Variants in LYPD8 observed in about 807,000 individuals in gnomAD.
The protein encoded by LYPD8 is ly6/PLAUR domain-containing protein 8.
In LYPD8, 8 loss-of-function variants were observed where a neutral mutation model predicts 1.7. The ratio of observed to expected loss-of-function variants is 4.58; its 90% CI spans 2.69 to 8.27. The LOEUF (loss-of-function observed/expected upper bound fraction) is 8.27. Among genes scored for constraint, LYPD8 ranks in the 30% most tolerant of loss-of-function variants. The probability of loss-of-function intolerance (pLI) is 0.00; values close to 1 mark genes in which losing one functional copy is unlikely to be tolerated. For missense variants in LYPD8, 112 were observed against 102.3 expected (o/e 1.09, Z -0.41); for synonymous variants, 50 against 43.6 (o/e 1.15, Z -0.58).
At chr1:248,753,787 A>C (rs1662878119) in intron 2 of LYPD8, among the ~76,000 whole-genome samples, 1 of 148,934 alleles carries the variant, frequency 6.7e-6, no homozygotes, top group South Asian at 2.1e-4. Flanking sequence ...ACCACACATC[A>C]CATGTCATAC....
intron 2 of LYPD8, 93 bp from the exon 3 acceptor site, chr1:248,751,223 C>G: frequency 2.5e-6 from 1 of 396,258 alleles, no homozygotes; most frequent in Non-Finnish European, 4.4e-6. Flanking sequence ...GCCCAGTACT[C>G]AGTCCATCCT....
chr1:248,750,026 T>C (rs1662771870), intron 4 of LYPD8, among the ~76,000 whole-genome samples: 1 of 152,046 alleles, frequency 6.6e-6, no homozygotes, highest in Non-Finnish European at 1.5e-5. Flanking sequence ...ACTTTAAACA[T>C]ACATGAAGTA....
At chr1:248,752,986 A>AT (rs1662842493) in intron 2 of LYPD8, among the ~76,000 whole-genome samples, 2 of 68,328 alleles carry the variant, frequency 2.9e-5, no homozygotes, top group Non-Finnish European at 6.1e-5. Flanking sequence ...CACACAACAC[A>AT]ACACACACAC....
chr1:248,743,555 C>T (rs1237367012), intron 6 of LYPD8, among the ~76,000 whole-genome samples: 1 of 152,220 alleles, frequency 6.6e-6, no homozygotes, highest in Non-Finnish European at 1.5e-5. Flanking sequence ...CAGTTAAACA[C>T]TGATTCATGA....
intron 6 of LYPD8, 23 bp downstream of exon 6, chr1:248,745,119 G>C: frequency 5.0e-6 from 2 of 398,384 alleles, no homozygotes; most frequent in Non-Finnish European, 8.9e-6. Flanking sequence ...GTCCCATAGA[G>C]GAATTAGAAC....
rs139850607 is a variant in LYPD8 at position 248,741,675 on chromosome 1, C to T, written c.476-1826G>A. Among the ~76,000 whole-genome samples, 496 of 152,314 alleles carry T rather than the reference C, an allele frequency of 3.3e-3. 2 individuals carry two copies. Among genetic ancestry groups the T allele is most frequent in the Non-Finnish European group, 5.5e-3 (373 of 68,024 alleles). Reference sequence around the variant, plus strand: ...CAAGTCCTATGAGAAAGAGGAAAATCGATCCCTTTTATCAGAGCTGGGGAC... The same window carrying T: ...CAAGTCCTATGAGAAAGAGGAAAATTGATCCCTTTTATCAGAGCTGGGGAC... On this transcript the variant is annotated intron_variant, in intron 6 of 6. Transcript: ENST00000590317.
At chr1:248,754,188 A>G (rs1023739705) in intron 2 of LYPD8, among the ~76,000 whole-genome samples, 2 of 149,808 alleles carry the variant, frequency 1.3e-5, no homozygotes, top group Admixed American at 6.6e-5. Context: ...TACACACCGA[A>G]CACACACAAC....
At chr1:248,745,089 T>C in intron 6 of LYPD8, 53 bp downstream of exon 6, 1 of 398,032 alleles carries the variant, frequency 2.5e-6, no homozygotes, top group Non-Finnish European at 4.4e-6. Context: ...GAACCAAGAC[T>C]TGACATGTTT....
At chr1:248,752,617 CA>C (rs1572156165) in intron 2 of LYPD8, among the ~76,000 whole-genome samples, 11 of 104,674 alleles carry the variant, frequency 1.1e-4, no homozygotes, top group African/African-American at 2.8e-4. Flanking sequence ...CCACACACAT[CA>C]CACACACACA....
rs543634960 is a variant in LYPD8, at chr1:248,739,732, C to T, written c.593G>A (p.Cys198Tyr). Residue 198 changes from cysteine (C) to tyrosine (Y), a missense_variant, in exon 7 of 7, where the codon TGT becomes TAT. Transcript: ENST00000590317. This position sits in a 1 kb window ranked among gnomAD's most constrained non-coding sequence, Gnocchi z 4.3. Reference protein sequence around the residue: ...LGGVIFRKFECANVNSLTPTS... With the variant: ...LGGVIFRKFEYANVNSLTPTS... Reference sequence around the variant, plus strand: ...GGGGGTTAAGCTGTTTACATTTGCACACTCAAACTTTCGAAAGATGACTCC... The same window carrying T: ...GGGGGTTAAGCTGTTTACATTTGCATACTCAAACTTTCGAAAGATGACTCC... 3 of 1,551,734 alleles carry T rather than the reference C, an allele frequency of 1.9e-6. No individual in the cohort carries two copies. Among genetic ancestry groups the T allele is most frequent in the East Asian group, 2.4e-5 (1 of 40,922 alleles).
intron 4 of LYPD8, 83 bp from the exon 5 acceptor site, chr1:248,748,536 C>G (rs1323774138): frequency 1.0e-5 from 4 of 398,024 alleles, no homozygotes; most frequent in Non-Finnish European, 1.8e-5. Flanking sequence ...GCAACTGTTT[C>G]AGGCAAAGGC....
intron 6 of LYPD8, among the ~76,000 whole-genome samples, chr1:248,740,966 G>C (rs1662585900): frequency 1.3e-5 from 2 of 152,172 alleles, no homozygotes; most frequent in South Asian, 4.1e-4. Flanking sequence ...AAAAAATTAA[G>C]TTATCCAGGG....
intron 2 of LYPD8, among the ~76,000 whole-genome samples, chr1:248,754,679 T>C (rs1193871820): frequency 2.0e-5 from 3 of 151,942 alleles, no homozygotes; most frequent in Admixed American, 6.6e-5. Flanking sequence ...TTATTAGAGA[T>C]TGGTAAAAAG....
chr1:248,751,444 A>G lies in LYPD8; in HGVS notation c.-49-314T>C, dbSNP rs1662800855. On this transcript the variant is annotated intron_variant, in intron 2 of 6. Transcript: ENST00000590317. Reference sequence around the variant, plus strand: ...AGTTTCACTTTTGGGATGGGGTCCAAGAAGAAAGAGCTGGGCTGGGGTCTG... The same window carrying G: ...AGTTTCACTTTTGGGATGGGGTCCAGGAAGAAAGAGCTGGGCTGGGGTCTG... 3.9e-5 allele frequency among the ~76,000 whole-genome samples: 6 copies of G among 152,244 alleles called. No homozygotes were observed. In the South Asian group the frequency reaches 1.2e-3, roughly 32 times the overall value.
chr1:248,746,559 G>A (rs1662729025), intron 5 of LYPD8, among the ~76,000 whole-genome samples: 1 of 151,588 alleles, frequency 6.6e-6, no homozygotes, highest in African/African-American at 2.4e-5. Context: ...CTGTCCACAT[G>A]GCCAGCAGCA....
intron 6 of LYPD8, among the ~76,000 whole-genome samples, chr1:248,743,942 G>A (rs1193385593): frequency 1.3e-5 from 2 of 152,234 alleles, no homozygotes; most frequent in African/African-American, 4.8e-5. Context: ...CTATTGTATT[G>A]AGCCATAGGC....
At chr1:248,742,733 T>C (rs1278627249) in intron 6 of LYPD8, among the ~76,000 whole-genome samples, 1 of 87,076 alleles carries the variant, frequency 1.1e-5, no homozygotes, top group African/African-American at 5.8e-5. Context: ...GGTGGGGATG[T>C]TGGCAGCCGG....
Position 248,748,336 on chromosome 1 carries a change from C to A in LYPD8, c.290G>T (p.Ser97Ile). 2 of 467,466 alleles carry A rather than the reference C, an allele frequency of 4.3e-6. No homozygotes were observed. Among genetic ancestry groups the A allele is most frequent in the Non-Finnish European group, 7.5e-6 (2 of 267,942 alleles). The allele number at this position is 467,466 out of a possible 1,614,324, so 29.0% of individuals were successfully genotyped here. A position where few individuals can be genotyped will look rare whatever the true frequency, so the allele number is the denominator to read the frequency against. Residue 97 changes from serine to isoleucine, a missense_variant, in exon 5 of 7, where the codon AGC becomes ATC. By Grantham distance (142) the Ser-to-Ile change is moderately radical (BLOSUM62 -2). Coordinates refer to ENST00000590317, the MANE Select transcript of LYPD8 (RefSeq NM_001085474.2). ...VSAEEHFHFV[S>I]QCCQGKECSN... is the part of the protein sequence containing the mutation. ...GCATTCCTTTCCTTGGCAGCACTGG[C>A]TTACAAAATGAAAGTGTTCTTCAGC...
At chr1:248,743,515 T>C (rs1331211005) in intron 6 of LYPD8, among the ~76,000 whole-genome samples, 2 of 152,216 alleles carry the variant, frequency 1.3e-5, no homozygotes, top group African/African-American at 4.8e-5. Flanking sequence ...ATAAGCATGG[T>C]GCTTGACGCC....
Sources: gnomAD v4.1 joint callset for allele counts (sites outside exome capture counted in the v4.1 genomes callset) on GRCh38, gnomAD v4.1.1 for gene constraint, Gnocchi (gnomAD v3.1) non-coding constraint, MANE v1.5 for transcripts, NCBI Gene and HGNC (gene_info 2026-07-23, HGNC 2026-07-21) for gene names.